Variants in GATA4 observed in about 807,000 individuals in gnomAD.
The protein encoded by GATA4 is transcription factor GATA-4.
Under a neutral mutation model 37.9 loss-of-function variants are expected in GATA4, and 7 were observed. That is an observed-to-expected ratio of 0.18 (90% CI 0.11 to 0.35). The LOEUF (loss-of-function observed/expected upper bound fraction) is 0.35, where lower values mean the gene tolerates loss of function less well. Among genes scored for constraint, GATA4 ranks in the 10% least tolerant of loss-of-function variants. The pLI is 1.00. For missense variants in GATA4, 647 were observed against 653.0 expected, an observed-to-expected ratio of 0.99 and a Z score of 0.10; for synonymous variants, 372 against 292.6, an observed-to-expected ratio of 1.27 and a Z score of -2.77.
intron 2 of GATA4, among the ~76,000 whole-genome samples, chr8:11,725,169 G>A (rs1800857080): frequency 6.6e-6 from 1 of 152,238 alleles, no homozygotes; most frequent in Admixed American, 6.5e-5. Context: ...AGATGAGGGA[G>A]GAGGGATACC....
At chr8:11,738,734 C>G (rs1362980332) in intron 2 of GATA4, among the ~76,000 whole-genome samples, 1 of 152,216 alleles carries the variant, frequency 6.6e-6, no homozygotes, top group East Asian at 1.9e-4. Context: ...CCACTGGCTG[C>G]GGGGCTGTAG....
At chr8:11,715,662 A>G (rs1800404276) in intron 2 of GATA4, among the ~76,000 whole-genome samples, 1 of 151,296 alleles carries the variant, frequency 6.6e-6, no homozygotes, top group Non-Finnish European at 1.5e-5. Context: ...AATTGCTTGA[A>G]CCCGGGAGTT....
At chr8:11,712,646 G>A (rs905727584) in intron 2 of GATA4, among the ~76,000 whole-genome samples, 5 of 150,594 alleles carry the variant, frequency 3.3e-5, no homozygotes, top group African/African-American at 7.4e-5. Flanking sequence ...GCTTGAGCTC[G>A]GGAGTTTGAG....
chr8:11,733,533 G>A (rs1196401129), intron 2 of GATA4, among the ~76,000 whole-genome samples: 2 of 152,194 alleles, frequency 1.3e-5, no homozygotes, highest in Non-Finnish European at 2.9e-5. Flanking sequence ...TAAAAAGATT[G>A]GCATTAGCAT....
At chr8:11,752,930 A>G (rs1406346411) in intron 4 of GATA4, among the ~76,000 whole-genome samples, 1 of 152,220 alleles carries the variant, frequency 6.6e-6, no homozygotes, top group Non-Finnish European at 1.5e-5. Context: ...TGGTTAAACT[A>G]TTGTTCTTCA....
chr8:11,723,945 A>G, intron 2 of GATA4, among the ~76,000 whole-genome samples: 1 of 151,880 alleles, frequency 6.6e-6, no homozygotes, highest in East Asian at 1.9e-4. Flanking sequence ...CCCAAGTGAA[A>G]CTCTGTACCC....
At position 11,709,575 on chromosome 8, in the gene GATA4, CG is replaced by C. The variant is rs780683869; in HGVS notation, c.616+658del. 1.3e-3 allele frequency among the ~76,000 whole-genome samples: 125 copies of C among 93,710 alleles called. 3 individuals carry two copies. In the South Asian group the frequency reaches 0.023, roughly 17 times the overall value. 61.5% of individuals were successfully genotyped at this position (93,710 alleles called of 152,430 possible). A position where few individuals can be genotyped will look rare whatever the true frequency, so the allele number is the denominator to read the frequency against. ...GCGCGTGGGCGCATCATGCGGGCAG[CG>C]GGGGGGGGGGCGCACACGCCCGGTC... On this transcript the variant is annotated intron_variant, in intron 2 of 6. Transcript: ENST00000532059. This position sits in a 1 kb window ranked among gnomAD's most constrained non-coding sequence, Gnocchi z 4.3.
chr8:11,711,355 C>T (rs1444733512), intron 2 of GATA4, among the ~76,000 whole-genome samples: 5 of 152,180 alleles, frequency 3.3e-5, no homozygotes, highest in African/African-American at 9.7e-5. Flanking sequence ...TTCTCTTCTG[C>T]ACCCAGCCAA....
chr8:11,720,293 G>C (rs116177841), intron 2 of GATA4, among the ~76,000 whole-genome samples: 1 of 151,816 alleles, frequency 6.6e-6, no homozygotes, highest in Admixed American at 6.6e-5. Flanking sequence ...TGTCTTTCCC[G>C]GTACCACAGA....
intron 6 of GATA4, among the ~76,000 whole-genome samples, 192 bp downstream of exon 6, chr8:11,757,275 C>G (rs528890510): frequency 1.3e-5 from 2 of 152,250 alleles, no homozygotes; most frequent in Non-Finnish European, 1.5e-5. Context: ...CTAGGGGCAT[C>G]TGCATCGGGC....
At position 11,709,816 on chromosome 8, in the gene GATA4, C is replaced by A. The variant is rs879332378; in HGVS notation, c.616+888C>A. On this transcript the variant is annotated intron_variant, in intron 2 of 6. Transcript: ENST00000532059. This position sits in a 1 kb window ranked among gnomAD's most constrained non-coding sequence, Gnocchi z 4.3. ...CAACCTCCACTGATTCACAAATAAA[C>A]GCAGCGGGATCTGAGAAGGGGCCTG... Among the ~76,000 whole-genome samples the A allele has an allele frequency of 6.6e-6, 1 of 152,092 alleles. No individual in the cohort carries two copies. Among genetic ancestry groups the A allele is most frequent in the Non-Finnish European group, 1.5e-5 (1 of 68,014 alleles).
intron 1 of GATA4, chr8:11,682,961 G>C: frequency 6.8e-6 from 4 of 585,636 alleles, no homozygotes; most frequent in Non-Finnish European, 8.6e-6. Context: ...AATGCTATGG[G>C]TGTGGGGACA....
chr8:11,724,734 A>G (rs1585631241), intron 2 of GATA4, among the ~76,000 whole-genome samples: 1 of 150,256 alleles, frequency 6.7e-6, no homozygotes, highest in Non-Finnish European at 1.5e-5. Context: ...GTGTGTGTGT[A>G]TCAAATGCAT....
chr8:11,680,824 A>T, intron 1 of GATA4: 2 of 985,014 alleles, frequency 2.0e-6, no homozygotes, highest in African/African-American at 3.5e-5. Flanking sequence ...CTCGGTCCCC[A>T]CGCTCTGGGC....
rs1247377486 is a variant in GATA4 at position 11,737,083 on chromosome 8, GAGA to G, written c.617-11826_617-11824del. On this transcript the variant is annotated intron_variant, in intron 2 of 6. Transcript: ENST00000532059. ...GCAGGGTGACTCGGTGGATTAGCAGGAGAAGAAGATGTAAAGTGATGGCGATTG... is the reference window on the plus strand; with the variant it reads ...GCAGGGTGACTCGGTGGATTAGCAGGAGAAGATGTAAAGTGATGGCGATTG... Among the ~76,000 whole-genome samples the G allele has an allele frequency of 4.6e-5, 7 of 152,086 alleles. No individual in the cohort carries two copies. The East Asian group carries it at 1.2e-3, about 25-fold the overall frequency.
chr8:11,756,755 A>AG lies in GATA4; in HGVS notation c.1001-175dup, dbSNP rs1444876142. On this transcript the variant is annotated intron_variant, in intron 5 of 6. Transcript: ENST00000532059. The stretch of plus-strand genomic sequence containing the variant: ...TGGCCTCAAGGGTTTGAGATGAGAT[A>AG]GGGGGAAGAAGCCATCCCTGTGAGA... The AG allele has an allele frequency of 7.3e-5, 22 of 302,810 alleles. No homozygotes were observed. The Admixed American group carries it at 1.2e-3, about 16-fold the overall frequency. 18.8% of individuals were successfully genotyped at this position (302,810 alleles called of 1,614,324 possible).
chr8:11,714,523 T>C (rs1300167875), intron 2 of GATA4, among the ~76,000 whole-genome samples: 1 of 152,194 alleles, frequency 6.6e-6, no homozygotes, highest in Non-Finnish European at 1.5e-5. Context: ...CCAAAGTTGT[T>C]TAACTTTCCG....
chr8:11,677,478 C>G (rs1453722638), intron 1 of GATA4, among the ~76,000 whole-genome samples: 2 of 152,184 alleles, frequency 1.3e-5, no homozygotes, highest in African/African-American at 4.8e-5. Context: ...TCAAATGGAT[C>G]TGACCAGGTA....
intron 2 of GATA4, among the ~76,000 whole-genome samples, chr8:11,727,026 C>G (rs1662238332): frequency 6.6e-6 from 1 of 151,600 alleles, no homozygotes; most frequent in South Asian, 2.1e-4. Context: ...CTGGAGAGCC[C>G]CTTGAGGCAC....
Sources: allele counts gnomAD v4.1 joint callset (sites outside exome capture counted in the v4.1 genomes callset), GRCh38; gene constraint gnomAD v4.1.1; non-coding constraint Gnocchi (gnomAD v3.1); transcripts MANE v1.5; gene names NCBI Gene and HGNC (gene_info 2026-07-23, HGNC 2026-07-21).